Variants in FOXJ3 observed in about 807,000 individuals in gnomAD.
FOXJ3 encodes the protein forkhead box protein J3.
In FOXJ3, 22 loss-of-function variants were observed where a neutral mutation model predicts 76.1. The observed-to-expected ratio is 0.29, with a 90% CI of 0.21 to 0.41. The LOEUF is 0.41. Among genes scored for constraint, FOXJ3 ranks in the 10% least tolerant of loss-of-function variants. FOXJ3 has a pLI of 1.00. For synonymous variants in FOXJ3, 269 were observed against 261.2 expected, an observed-to-expected ratio of 1.03 and a Z score of -0.29; for missense variants, 613 against 762.1, an observed-to-expected ratio of 0.80 and a Z score of 2.30.
chr1:42,323,850 G>A (rs1655575084), intron 1 of FOXJ3: 1 of 212,584 alleles, frequency 4.7e-6, no homozygotes, highest in Admixed American at 6.5e-5. Context: ...GATGACGTTA[G>A]ATGCATATTT....
chr1:42,234,804 T>A (rs191771373), intron 4 of FOXJ3, among the ~76,000 whole-genome samples: 81 of 152,248 alleles, frequency 5.3e-4, no homozygotes, highest in Non-Finnish European at 1.0e-4. Context: ...GTCAGTGTGC[T>A]CCTACTGGGG....
chr1:42,249,592 GA>G (rs1649850777), intron 4 of FOXJ3, among the ~76,000 whole-genome samples: 1 of 152,204 alleles, frequency 6.6e-6, no homozygotes, highest in Non-Finnish European at 1.5e-5. Context: ...CGTACAATTT[GA>G]AAAGTTTCTT....
intron 4 of FOXJ3, among the ~76,000 whole-genome samples, chr1:42,243,767 A>G (rs893865736): frequency 1.3e-5 from 2 of 152,254 alleles, no homozygotes; most frequent in African/African-American, 2.4e-5. Flanking sequence ...CCAGATACGT[A>G]TAACAAGTAT....
intron 4 of FOXJ3, among the ~76,000 whole-genome samples, chr1:42,241,237 C>A (rs1238275314): frequency 6.6e-6 from 1 of 152,128 alleles, no homozygotes; most frequent in African/African-American, 2.4e-5. Context: ...GTCTGAAGCA[C>A]ACACTCTCTG....
intron 6 of FOXJ3, among the ~76,000 whole-genome samples, chr1:42,201,543 G>C (rs1246166584): frequency 6.6e-6 from 1 of 152,128 alleles, no homozygotes; most frequent in Non-Finnish European, 1.5e-5. Flanking sequence ...AGATTTCCTA[G>C]TGCTAGACCT....
chr1:42,309,963 AAC>A (rs1427285307), intron 2 of FOXJ3, among the ~76,000 whole-genome samples: 1 of 152,264 alleles, frequency 6.6e-6, no homozygotes, highest in African/African-American at 2.4e-5. Flanking sequence ...TGTTGTACAC[AAC>A]ACAACAGTTC....
At chr1:42,180,268 C>T (rs1044202717) in intron 12 of FOXJ3, among the ~76,000 whole-genome samples, 4 of 152,296 alleles carry the variant, frequency 2.6e-5, no homozygotes, top group African/African-American at 9.6e-5. Context: ...CCCCAGCAAG[C>T]TAATTTCTGT....
chr1:42,262,244 T>C (rs938596131), intron 4 of FOXJ3, among the ~76,000 whole-genome samples: 1 of 152,160 alleles, frequency 6.6e-6, no homozygotes, highest in Non-Finnish European at 1.5e-5. Context: ...TAAGTACTTT[T>C]CCCTTTAAGT....
chr1:42,236,267 T>C (rs571468527), intron 4 of FOXJ3, among the ~76,000 whole-genome samples: 6 of 152,320 alleles, frequency 3.9e-5, no homozygotes, highest in African/African-American at 1.4e-4. Context: ...CATAGATCAA[T>C]GCAACCTCAA....
chr1:42,292,087 C>A (rs1471352124), intron 2 of FOXJ3, among the ~76,000 whole-genome samples: 2 of 151,492 alleles, frequency 1.3e-5, no homozygotes, highest in Non-Finnish European at 2.9e-5. Context: ...GGGTGCAAGG[C>A]CAGGGGACAG....
chr1:42,320,385 G>T (rs991924721), intron 1 of FOXJ3, among the ~76,000 whole-genome samples: 3 of 152,098 alleles, frequency 2.0e-5, no homozygotes, highest in Admixed American at 1.3e-4. Context: ...TAACTCACTA[G>T]ATAATCCTGA....
At chr1:42,276,287 C>T (rs979907936) in intron 3 of FOXJ3, among the ~76,000 whole-genome samples, 4 of 151,486 alleles carry the variant, frequency 2.6e-5, no homozygotes, top group African/African-American at 7.3e-5. Context: ...ACCCAGGAGA[C>T]GGAGGTTACA....
chr1:42,185,152 T>C (rs1423325832), intron 11 of FOXJ3, among the ~76,000 whole-genome samples: 1 of 151,930 alleles, frequency 6.6e-6, no homozygotes, highest in African/African-American at 2.4e-5. Context: ...TGCTGTCTTC[T>C]AGAAAAATTT....
chr1:42,282,092 A>T (rs1557073), intron 2 of FOXJ3, among the ~76,000 whole-genome samples: 107,328 of 151,464 alleles, frequency 0.71, 38,575 homozygotes, highest in Admixed American at 0.8. Context: ...AGAAACAAAC[A>T]AACTTATTAG....
intron 5 of FOXJ3, among the ~76,000 whole-genome samples, chr1:42,227,451 A>G (rs1038990123): frequency 2.6e-5 from 4 of 152,272 alleles, no homozygotes; most frequent in Admixed American, 6.5e-5. Context: ...CACCCAACTT[A>G]GAAATGTTGT....
intron 3 of FOXJ3, among the ~76,000 whole-genome samples, chr1:42,274,647 A>C (rs1247132844): frequency 1.3e-5 from 2 of 152,218 alleles, no homozygotes; most frequent in Non-Finnish European, 2.9e-5. Context: ...CTAAAGAGAC[A>C]ATGATGGCAC....
Position 42,191,634 on chromosome 1 carries a change from A to G in FOXJ3, c.1020T>C (p.Thr340=). 1 of 1,614,162 alleles carries G rather than the reference A, an allele frequency of 6.2e-7. No homozygotes were observed. The highest frequency in any genetic ancestry group is 1.1e-5 in the South Asian group (1 of 91,082). ...GGCTGCTTTGGTTGCTGTGTGGGTG[A>G]GTGCTCACTGTACTGCTGGGAGAGT... ...YQHSPSSTVS[T]HPHSNQSSLS... The change falls in exon 9 of 13, where the codon ACT becomes ACC. Residue 340 remains threonine (T), a synonymous_variant. Transcript: ENST00000361346.
intron 2 of FOXJ3, among the ~76,000 whole-genome samples, chr1:42,310,068 C>A (rs562707219): frequency 9.3e-4 from 141 of 151,794 alleles, no homozygotes; most frequent in African/African-American, 3.0e-3. Context: ...AAATCAGTAT[C>A]TTCAGTCTTA....
At chr1:42,206,707 T>A (rs76729278) in intron 5 of FOXJ3, among the ~76,000 whole-genome samples, 1 of 152,244 alleles carries the variant, frequency 6.6e-6, no homozygotes, top group Non-Finnish European at 1.5e-5. Flanking sequence ...TCAAATTTTA[T>A]CTTTTGTTTA....
Sources: gnomAD v4.1 joint callset for allele counts (sites outside exome capture counted in the v4.1 genomes callset) on GRCh38, gnomAD v4.1.1 for gene constraint, MANE v1.5 for transcripts, NCBI Gene and HGNC (gene_info 2026-07-23, HGNC 2026-07-21) for gene names.